The following EPB41L4A variants were observed in gnomAD, a reference collection of about 807,000 sequenced individuals.
EPB41L4A encodes band 4.1-like protein 4A.
A neutral mutation model predicts 108.6 loss-of-function variants in EPB41L4A; 100 were observed. The ratio of observed to expected loss-of-function variants is 0.92; its 90% CI spans 0.78 to 1.09. The LOEUF (loss-of-function observed/expected upper bound fraction) is 1.09, where lower values mean the gene tolerates loss of function less well. EPB41L4A is among the 50% of genes least tolerant of loss of function. The probability of loss-of-function intolerance (pLI) is 0.00; values close to 1 mark genes in which losing one functional copy is unlikely to be tolerated. For missense variants in EPB41L4A, 1,030 were observed against 842.7 expected (o/e 1.22, Z -2.75); for synonymous variants, 319 against 289.0 (o/e 1.10, Z -1.05).
intron 2 of EPB41L4A, among the ~76,000 whole-genome samples, chr5:112,286,426 T>C (rs1260194223): frequency 6.6e-6 from 1 of 152,184 alleles, no homozygotes; most frequent in Non-Finnish European, 1.5e-5. Context: ...TCCTACATTT[T>C]ATTCCGTCAT....
chr5:112,280,250 A>G (rs371603857), intron 3 of EPB41L4A, 22 bp downstream of exon 3: 151 of 1,609,930 alleles, frequency 9.4e-5, no homozygotes, highest in Non-Finnish European at 1.2e-4. Context: ...ACCCTTTAAC[A>G]AAGTAAAAGC....
intron 1 of EPB41L4A, among the ~76,000 whole-genome samples, chr5:112,335,922 G>T (rs1756886396): frequency 6.6e-6 from 1 of 152,102 alleles, no homozygotes; most frequent in African/African-American, 2.4e-5. Flanking sequence ...TTCCACTGAT[G>T]CTTCACACCT....
chr5:112,205,929 C>T, intron 13 of EPB41L4A: 1 of 163,700 alleles, frequency 6.1e-6, no homozygotes, highest in Non-Finnish European at 1.3e-5. Context: ...GGTCTGAATC[C>T]ACACAGGTCG....
intron 15 of EPB41L4A, among the ~76,000 whole-genome samples, chr5:112,200,845 A>G (rs1285811611): frequency 6.6e-6 from 1 of 152,208 alleles, no homozygotes; most frequent in Non-Finnish European, 1.5e-5. Context: ...AAGGTTAAGG[A>G]CCACTATTCT....
downstream of EPB41L4A, chr5:112,162,617 T>C (rs1314598580): frequency 6.6e-6 from 1 of 152,216 alleles, no homozygotes; most frequent in Admixed American, 6.5e-5. Flanking sequence ...CGACAAATAA[T>C]GTATAGAGGT....
intron 12 of EPB41L4A, among the ~76,000 whole-genome samples, chr5:112,149,505 A>G (rs1249254844): frequency 1.3e-5 from 2 of 152,140 alleles, no homozygotes; most frequent in African/African-American, 4.8e-5. Flanking sequence ...GAGCACTCTA[A>G]ATTATGAATT....
downstream of EPB41L4A, chr5:112,161,798 A>G (rs1032561431): frequency 3.2e-6 from 1 of 311,066 alleles, no homozygotes; most frequent in East Asian, 8.3e-5. Context: ...GTCTTAAAGC[A>G]CTTTGTAATG....
chr5:112,405,779 T>C (rs539123887), intron 1 of EPB41L4A, among the ~76,000 whole-genome samples: 5 of 152,322 alleles, frequency 3.3e-5, no homozygotes, highest in African/African-American at 1.2e-4. Flanking sequence ...CTCTTAAGAA[T>C]CTCCACCACA....
intron 1 of EPB41L4A, among the ~76,000 whole-genome samples, chr5:112,332,024 T>C (rs1756605769): frequency 6.6e-6 from 1 of 152,176 alleles, no homozygotes; most frequent in Admixed American, 6.5e-5. Flanking sequence ...TCAGACCAAA[T>C]GAACTGGGAA....
intron 15 of EPB41L4A, among the ~76,000 whole-genome samples, chr5:112,198,096 C>T (rs918245805): frequency 6.6e-6 from 1 of 151,764 alleles, no homozygotes; most frequent in Non-Finnish European, 1.5e-5. Context: ...TACAGTGGTG[C>T]GATCTCAGCT....
At chr5:112,224,466 T>C (rs1356992204) in intron 12 of EPB41L4A, among the ~76,000 whole-genome samples, 9 of 152,156 alleles carry the variant, frequency 5.9e-5, no homozygotes, top group Non-Finnish European at 1.2e-4. Context: ...TGTGGGCAGG[T>C]AAGTCAGACA....
In EPB41L4A at chr5:112,202,579, A is replaced by T. The variant is rs374926157; in HGVS notation, c.1376+1796T>A. ...AGTACTTGGAATATGGCAATACCAAACAAATGCCTACTATTACCCTATTAT... is the reference window on the plus strand; with the variant it reads ...AGTACTTGGAATATGGCAATACCAATCAAATGCCTACTATTACCCTATTAT... On this transcript the variant is annotated intron_variant, in intron 15 of 22. Transcript: ENST00000261486. Among the ~76,000 whole-genome samples the T allele has an allele frequency of 4.5e-4, 69 of 152,278 alleles. 2 individuals carry two copies. In the South Asian group the frequency reaches 0.014, roughly 31 times the overall value.
intron 12 of EPB41L4A, among the ~76,000 whole-genome samples, chr5:112,215,237 A>C (rs1747536014): frequency 6.6e-6 from 1 of 152,238 alleles, no homozygotes; most frequent in African/African-American, 2.4e-5. Flanking sequence ...TATACCTTGC[A>C]GGACTGGGCT....
intron 1 of EPB41L4A, among the ~76,000 whole-genome samples, chr5:112,370,932 C>G (rs960950192): frequency 6.6e-6 from 1 of 152,148 alleles, no homozygotes; most frequent in Non-Finnish European, 1.5e-5. Context: ...GAATGAGACT[C>G]TGTCTCAAAA....
chr5:112,411,870 C>T (rs1243475187), intron 1 of EPB41L4A, among the ~76,000 whole-genome samples: 3 of 152,188 alleles, frequency 2.0e-5, no homozygotes, highest in Non-Finnish European at 4.4e-5. Context: ...GCTTCTCAAA[C>T]ACAGGTCTGA....
intron 1 of EPB41L4A, among the ~76,000 whole-genome samples, chr5:112,351,463 G>C (rs900980200): frequency 1.1e-4 from 16 of 152,100 alleles, no homozygotes; most frequent in African/African-American, 3.9e-4. Flanking sequence ...AATGAGATTA[G>C]ATCAGAAATA....
chr5:112,198,583 T>A (rs1236175077), intron 15 of EPB41L4A, among the ~76,000 whole-genome samples: 1 of 152,198 alleles, frequency 6.6e-6, no homozygotes, highest in Non-Finnish European at 1.5e-5. Context: ...TTTCCTCTCC[T>A]ATGTTTTCTC....
At chr5:112,409,769 G>T (rs1248714098) in intron 1 of EPB41L4A, among the ~76,000 whole-genome samples, 2 of 152,048 alleles carry the variant, frequency 1.3e-5, no homozygotes, top group African/African-American at 4.8e-5. Flanking sequence ...CACTCACCGG[G>T]AAAGGAGCTA....
At chr5:112,179,977 G>A (rs1260783384) in intron 18 of EPB41L4A, among the ~76,000 whole-genome samples, 2 of 152,072 alleles carry the variant, frequency 1.3e-5, no homozygotes, top group Non-Finnish European at 2.9e-5. Context: ...TGGGGTGGCA[G>A]GATGTAGCAT....
Sources: allele counts gnomAD v4.1 joint callset (sites outside exome capture counted in the v4.1 genomes callset), GRCh38; gene constraint gnomAD v4.1.1; transcripts MANE v1.5; gene names NCBI Gene and HGNC (gene_info 2026-07-23, HGNC 2026-07-21).